Variants in TNIP3 observed in about 807,000 individuals in gnomAD.
TNIP3 encodes the protein TNFAIP3-interacting protein 3.
TNIP3 carries 34 observed loss-of-function variants against 54.1 expected under a neutral mutation model. That is an observed-to-expected ratio of 0.63 (90% CI 0.48 to 0.84). TNIP3 has a LOEUF of 0.84. Among genes scored for constraint, TNIP3 ranks in the 40% least tolerant of loss-of-function variants. The pLI is 0.00. For synonymous variants in TNIP3, 134 were observed against 136.8 expected (o/e 0.98, Z 0.14); for missense variants, 366 against 387.6 (o/e 0.94, Z 0.47).
At position 121,158,674 on chromosome 4, in the gene TNIP3, G is replaced by C; in HGVS notation, c.213+13C>G. 1 of 1,595,682 alleles carries C rather than the reference G, an allele frequency of 6.3e-7. No individual in the cohort carries two copies. Among genetic ancestry groups the C allele is most frequent in the Non-Finnish European group, 8.6e-7 (1 of 1,164,488 alleles). On this transcript the variant is annotated intron_variant, in intron 3 of 10. Transcript: ENST00000057513. ...GGCTTTAAAGAAAATACCGAATAGA[G>C]AGAGGTATTTACCTTTCTTTCATAT...
intron 2 of TNIP3, among the ~76,000 whole-genome samples, chr4:121,184,340 T>G (rs1421506875): frequency 6.6e-6 from 1 of 152,208 alleles, no homozygotes; most frequent in Non-Finnish European, 1.5e-5. Context: ...CCACCACCCT[T>G]GTTGAGAGTA....
chr4:121,189,555 T>C (rs1011429825), intron 2 of TNIP3, among the ~76,000 whole-genome samples: 1 of 152,306 alleles, frequency 6.6e-6, no homozygotes, highest in South Asian at 2.1e-4. Flanking sequence ...ACTCTGTGTA[T>C]GTGTGTTTTA....
At chr4:121,159,212 C>T (rs1036647178) in intron 2 of TNIP3, among the ~76,000 whole-genome samples, 3 of 151,740 alleles carry the variant, frequency 2.0e-5, no homozygotes, top group African/African-American at 7.3e-5. Flanking sequence ...CACTGCACTC[C>T]ATCCTGGGCG....
intron 10 of TNIP3, among the ~76,000 whole-genome samples, chr4:121,136,857 GAAAA>G (rs11338982): frequency 1.7e-5 from 1 of 58,932 alleles, no homozygotes; most frequent in Non-Finnish European, 3.2e-5. Flanking sequence ...GACTGTCTCC[GAAAA>G]AAAAAAAAAA....
At chr4:121,142,830 C>A in intron 7 of TNIP3, 54 bp from the exon 8 acceptor site, 2 of 1,495,220 alleles carry the variant, frequency 1.3e-6, no homozygotes, top group South Asian at 2.3e-5. Context: ...ATCATTAATT[C>A]CCAAGCCACT....
intron 3 of TNIP3, among the ~76,000 whole-genome samples, chr4:121,178,036 G>T (rs1170296302): frequency 6.6e-6 from 1 of 152,196 alleles, no homozygotes; most frequent in African/African-American, 2.4e-5. Flanking sequence ...TTAGCTCAAA[G>T]AGGAGGAGTT....
intron 2 of TNIP3, among the ~76,000 whole-genome samples, chr4:121,196,290 C>T (rs566927612): frequency 6.6e-5 from 10 of 152,062 alleles, no homozygotes; most frequent in African/African-American, 7.2e-5. Context: ...CATTTTAAAC[C>T]TGTGTTTGTA....
At chr4:121,163,103 C>T (rs1392789758) in intron 1 of TNIP3, among the ~76,000 whole-genome samples, 3 of 151,916 alleles carry the variant, frequency 2.0e-5, no homozygotes, top group East Asian at 1.9e-4. Context: ...TGTAACTGCA[C>T]GAGTACTAGT....
At chr4:121,138,009 G>A (rs1728890376) in intron 10 of TNIP3, 1 of 454,078 alleles carries the variant, frequency 2.2e-6, no homozygotes, top group Admixed American at 2.4e-5. Flanking sequence ...AGAAAGTATA[G>A]CAGATTCTAG....
At chr4:121,171,676 T>C (rs1484971335) in intron 3 of TNIP3, among the ~76,000 whole-genome samples, 1 of 152,194 alleles carries the variant, frequency 6.6e-6, no homozygotes, top group African/African-American at 2.4e-5. Flanking sequence ...GAGTACTGCC[T>C]GGATGTTTCT....
chr4:121,214,575 A>G (rs1409262837), intron 2 of TNIP3, among the ~76,000 whole-genome samples: 1 of 152,082 alleles, frequency 6.6e-6, no homozygotes, highest in Non-Finnish European at 1.5e-5. Flanking sequence ...TCTTAGAAAT[A>G]ATAGGTTTCT....
At chr4:121,158,121 T>C (rs959651902) in intron 3 of TNIP3, among the ~76,000 whole-genome samples, 1 of 152,248 alleles carries the variant, frequency 6.6e-6, no homozygotes, top group East Asian at 1.9e-4. Flanking sequence ...TTTTAAATTA[T>C]AAATTGTCTT....
At chr4:121,209,461 T>C (rs1726361921) in intron 2 of TNIP3, among the ~76,000 whole-genome samples, 1 of 152,140 alleles carries the variant, frequency 6.6e-6, no homozygotes, top group South Asian at 2.1e-4. Flanking sequence ...ATTGGACACA[T>C]AGTTGGCATG....
chr4:121,222,699 C>T (rs6836120), intron 1 of TNIP3, among the ~76,000 whole-genome samples: 87,211 of 151,810 alleles, frequency 0.57, 25,525 homozygotes, highest in South Asian at 0.76. Context: ...GTAGAGAAAG[C>T]GATTTTTATG....
intron 4 of TNIP3, among the ~76,000 whole-genome samples, chr4:121,155,511 TA>T (rs942684419): frequency 1.3e-5 from 2 of 152,194 alleles, no homozygotes; most frequent in African/African-American, 4.8e-5. Flanking sequence ...TTATTATTTT[TA>T]AAAGGTAGAA....
intron 1 of TNIP3, among the ~76,000 whole-genome samples, chr4:121,225,313 C>A (rs1418594590): frequency 6.6e-6 from 1 of 152,180 alleles, no homozygotes; most frequent in Non-Finnish European, 1.5e-5. Context: ...TATTTTCCCC[C>A]CATATGATGT....
At chr4:121,223,944 A>G (rs1038344291) in intron 1 of TNIP3, among the ~76,000 whole-genome samples, 2 of 152,244 alleles carry the variant, frequency 1.3e-5, no homozygotes, top group African/African-American at 4.8e-5. Flanking sequence ...AGGCTACACA[A>G]TGATTATCCC....
At chr4:121,197,876 G>A (rs940643856) in intron 2 of TNIP3, among the ~76,000 whole-genome samples, 6 of 152,214 alleles carry the variant, frequency 3.9e-5, no homozygotes, top group African/African-American at 1.4e-4. Flanking sequence ...TCATGGTATA[G>A]ATTCACTACT....
At chr4:121,194,484 G>A (rs548388293) in intron 2 of TNIP3, among the ~76,000 whole-genome samples, 1 of 152,134 alleles carries the variant, frequency 6.6e-6, no homozygotes, top group East Asian at 1.9e-4. Context: ...ATCTTTCTTG[G>A]GGTTTACGAA....
Sources: gnomAD v4.1 joint callset for allele counts (sites outside exome capture counted in the v4.1 genomes callset) on GRCh38, gnomAD v4.1.1 for gene constraint, MANE v1.5 for transcripts, NCBI Gene and HGNC (gene_info 2026-07-23, HGNC 2026-07-21) for gene names.